MAML3: variants seen among roughly 807,000 people sequenced by gnomAD.
MAML3 encodes mastermind-like protein 3.
Under a neutral mutation model 101.9 loss-of-function variants are expected in MAML3, and 27 were observed. That is an observed-to-expected ratio of 0.27 (90% CI 0.20 to 0.37). The LOEUF is 0.37. Ranked by LOEUF, MAML3 falls within the 10% of genes least tolerant of loss-of-function variation. MAML3 has a pLI of 1.00. For missense variants in MAML3, 1,316 were observed against 1,444.9 expected (o/e 0.91, Z 1.45); for synonymous variants, 501 against 555.9 (o/e 0.90, Z 1.39).
chr4:140,026,897 CATTT>C (rs1361667585), intron 1 of MAML3, among the ~76,000 whole-genome samples: 9 of 151,990 alleles, frequency 5.9e-5, no homozygotes, highest in Non-Finnish European at 1.2e-4. Flanking sequence ...AGATTGTTGC[CATTT>C]ATTTAATATT....
chr4:139,907,737 G>T (rs1461613544), intron 1 of MAML3, among the ~76,000 whole-genome samples: 1 of 152,134 alleles, frequency 6.6e-6, no homozygotes, highest in Non-Finnish European at 1.5e-5. Context: ...ATTGGAAAAT[G>T]CTCCCCTTCA....
chr4:140,018,161 T>G (rs1454792395), intron 1 of MAML3, among the ~76,000 whole-genome samples: 1 of 152,172 alleles, frequency 6.6e-6, no homozygotes, highest in Non-Finnish European at 1.5e-5. Flanking sequence ...TGAGAACTAC[T>G]CAGATTCTAA....
At chr4:140,046,075 T>C (rs574246887) in intron 1 of MAML3, among the ~76,000 whole-genome samples, 4 of 152,230 alleles carry the variant, frequency 2.6e-5, no homozygotes, top group Non-Finnish European at 5.9e-5. Context: ...TTATTTATGC[T>C]ATGGTCTAAA....
chr4:140,107,108 T>A (rs1202832332), intron 1 of MAML3, among the ~76,000 whole-genome samples: 1 of 152,112 alleles, frequency 6.6e-6, no homozygotes, highest in African/African-American at 2.4e-5. Context: ...TGACCTCAGG[T>A]GATCTGCCCA....
At chr4:139,949,823 G>A (rs573289125) in intron 1 of MAML3, among the ~76,000 whole-genome samples, 3 of 152,288 alleles carry the variant, frequency 2.0e-5, no homozygotes, top group African/African-American at 7.2e-5. Context: ...CAATATAGAT[G>A]TTGCTAGGAA....
At chr4:140,098,071 C>A (rs1728191420) in intron 1 of MAML3, among the ~76,000 whole-genome samples, 1 of 152,200 alleles carries the variant, frequency 6.6e-6, no homozygotes, top group South Asian at 2.1e-4. Context: ...ATTTACTGAA[C>A]ACCTATTAAT....
At chr4:139,950,951 T>G (rs577216779) in intron 1 of MAML3, among the ~76,000 whole-genome samples, 1 of 152,320 alleles carries the variant, frequency 6.6e-6, no homozygotes, top group Admixed American at 6.5e-5. Flanking sequence ...CCCAAGATCG[T>G]GAAGAACAAC....
rs1211912729 is a variant in MAML3, at chr4:139,891,064, G to A, written c.469-97C>T. The A allele has an allele frequency of 9.6e-6, 13 of 1,350,370 alleles. No homozygotes were observed. In the Admixed American group the frequency reaches 2.6e-4, roughly 27 times the overall value. The allele number at this position is 1,350,370 out of a possible 1,614,324, so 83.6% of individuals were successfully genotyped here. A position where few individuals can be genotyped will look rare whatever the true frequency, so the allele number is the denominator to read the frequency against. ...CATTGCGATGAACTAACTTTTAAGT[G>A]GTTTACGACACACAGGAAAGAAGTC... On this transcript the variant is annotated intron_variant, in intron 1 of 4. Transcript: ENST00000509479.
chr4:140,065,285 G>A (rs976564041), intron 1 of MAML3, among the ~76,000 whole-genome samples: 3 of 150,904 alleles, frequency 2.0e-5, no homozygotes, highest in African/African-American at 7.3e-5. Context: ...CTTACGGTTT[G>A]CTTTTTTTTT....
chr4:140,070,595 A>G (rs971306985), intron 1 of MAML3, among the ~76,000 whole-genome samples: 1 of 152,168 alleles, frequency 6.6e-6, no homozygotes, highest in African/African-American at 2.4e-5. Context: ...ATGAAACTGA[A>G]TTTGTTCAGC....
Position 139,735,663 on chromosome 4 carries a change from G to C in MAML3, c.2080-4996C>G, listed in dbSNP as rs1483773830. Among the ~76,000 whole-genome samples the C allele has an allele frequency of 1.3e-5, 2 of 152,182 alleles. No individual in the cohort carries two copies. The highest frequency in any genetic ancestry group is 3.8e-4 in the East Asian group (2 of 5,196). On this transcript the variant is annotated intron_variant, in intron 2 of 4. Coordinates refer to ENST00000509479, the MANE Select transcript of MAML3 (RefSeq NM_018717.5). This position sits in a 1 kb window ranked among gnomAD's most constrained non-coding sequence, Gnocchi z 5.8. Reference sequence around the variant, plus strand: ...TACGAACAACCTAAATGAAATTTAGGGTTTTATTGAAAAAGTCCCCTGGGG... The same window carrying C: ...TACGAACAACCTAAATGAAATTTAGCGTTTTATTGAAAAAGTCCCCTGGGG...
chr4:139,811,432 T>C (rs946249860), intron 2 of MAML3, among the ~76,000 whole-genome samples: 3 of 152,204 alleles, frequency 2.0e-5, no homozygotes, highest in African/African-American at 7.2e-5. Context: ...CAGGTCAGAA[T>C]CCAGGGAATT....
At chr4:140,036,073 C>A (rs1271191212) in intron 1 of MAML3, among the ~76,000 whole-genome samples, 1 of 152,208 alleles carries the variant, frequency 6.6e-6, no homozygotes, top group African/African-American at 2.4e-5. Flanking sequence ...TTCTAAATGA[C>A]TGGCCACTGT....
At chr4:139,845,882 G>A (rs1454722390) in intron 2 of MAML3, among the ~76,000 whole-genome samples, 1 of 152,190 alleles carries the variant, frequency 6.6e-6, no homozygotes, top group East Asian at 1.9e-4. Context: ...TAAAATTACA[G>A]TTCGTTAAGT....
intron 2 of MAML3, among the ~76,000 whole-genome samples, chr4:139,794,658 C>A (rs1274873311): frequency 6.6e-6 from 1 of 152,218 alleles, no homozygotes; most frequent in Non-Finnish European, 1.5e-5. Flanking sequence ...GTCCAGTTTT[C>A]AAAATGATTT....
intron 2 of MAML3, among the ~76,000 whole-genome samples, chr4:139,872,969 T>C (rs905435122): frequency 2.6e-5 from 4 of 151,938 alleles, no homozygotes; most frequent in African/African-American, 4.8e-5. Flanking sequence ...TAATCCCAGC[T>C]ACTCAGGAGA....
chr4:140,152,304 G>C lies in MAML3; in HGVS notation c.468+556C>G, dbSNP rs558262602. On this transcript the variant is annotated intron_variant, in intron 1 of 4. Coordinates refer to ENST00000509479, the MANE Select transcript of MAML3 (RefSeq NM_018717.5). ...TCTCAGCCCAAAGGGGGTGAGCTGG[G>C]GAGAGGAGGCGAGAGGCTCTCCTTC... is the stretch of plus-strand genomic sequence containing the variant. Among the ~76,000 whole-genome samples the C allele has an allele frequency of 2.0e-5, 3 of 152,350 alleles. No individual in the cohort carries two copies. In the East Asian group the frequency reaches 5.8e-4, roughly 29 times the overall value.
intron 1 of MAML3, among the ~76,000 whole-genome samples, chr4:140,033,547 C>T (rs1378762031): frequency 1.3e-5 from 2 of 152,316 alleles, no homozygotes; most frequent in East Asian, 3.9e-4. Context: ...CATTTGATCG[C>T]CTCACTGGAT....
chr4:139,872,218 A>T (rs994358132), intron 2 of MAML3, among the ~76,000 whole-genome samples: 3 of 151,586 alleles, frequency 2.0e-5, no homozygotes, highest in East Asian at 1.9e-4. Flanking sequence ...TTTTAAAAAA[A>T]ATTTTTTAAT....
Sources: gnomAD v4.1 joint callset for allele counts (sites outside exome capture counted in the v4.1 genomes callset) on GRCh38, gnomAD v4.1.1 for gene constraint, Gnocchi (gnomAD v3.1) non-coding constraint, MANE v1.5 for transcripts, NCBI Gene and HGNC (gene_info 2026-07-23, HGNC 2026-07-21) for gene names.